Variants in XRRA1 observed in about 807,000 individuals in gnomAD.
XRRA1 encodes X-ray radiation resistance-associated protein 1.
In XRRA1, 69 loss-of-function variants were observed where a neutral mutation model predicts 80.2. That is an observed-to-expected ratio of 0.86 (90% CI 0.71 to 1.05). XRRA1 has a LOEUF of 1.05. Among genes scored for constraint, XRRA1 ranks in the 50% least tolerant of loss-of-function variants. XRRA1 has a pLI of 0.00. For synonymous variants in XRRA1, 348 were observed against 389.9 expected (o/e 0.89, Z 1.27); for missense variants, 967 against 976.4 (o/e 0.99, Z 0.13).
At chr11:74,844,980 AG>A in intron 16 of XRRA1, 92 bp downstream of exon 16, 1 of 1,331,518 alleles carries the variant, frequency 7.5e-7, no homozygotes, top group Non-Finnish European at 1.1e-6. Flanking sequence ...AGTTGGGAAA[AG>A]ACAGCTTGGT....
At chr11:74,934,033 C>T (rs762008916) in intron 4 of XRRA1, among the ~76,000 whole-genome samples, 161 bp from the exon 5 acceptor site, 61 of 152,260 alleles carry the variant, frequency 4.0e-4, no homozygotes, top group South Asian at 8.3e-4. Flanking sequence ...TCCATTCATT[C>T]GCCAAATATT....
chr11:74,860,061 C>G (rs1301247954), intron 11 of XRRA1, among the ~76,000 whole-genome samples: 1 of 152,150 alleles, frequency 6.6e-6, no homozygotes, highest in Non-Finnish European at 1.5e-5. Flanking sequence ...AACTAGATTC[C>G]ATCTTAAGCT....
intron 12 of XRRA1, among the ~76,000 whole-genome samples, chr11:74,854,782 G>A (rs2040681025): frequency 6.6e-6 from 1 of 152,100 alleles, no homozygotes; most frequent in South Asian, 2.1e-4. Context: ...CACTTTGGGA[G>A]GCCGAGGCAA....
rs536570249 is a variant in XRRA1 at position 74,851,421 on chromosome 11, G to A, written c.1265-218C>T. Among the ~76,000 whole-genome samples the A allele has an allele frequency of 3.3e-5, 5 of 152,240 alleles. No individual in the cohort carries two copies. The East Asian group carries it at 7.8e-4, about 24-fold the overall frequency. ...GAAACTGAGGCACAGAGAGGCTAAG[G>A]AATTTGTCCAAGATAATAAAGATAG... is the stretch of plus-strand genomic sequence containing the variant. On this transcript the variant is annotated intron_variant, in intron 13 of 18. Transcript: ENST00000684022.
In XRRA1 at chr11:74,898,258, T is replaced by A. The variant is rs961341903; in HGVS notation, c.1003+7981A>T. 2.6e-5 allele frequency among the ~76,000 whole-genome samples: 4 copies of A among 151,328 alleles called. No individual in the cohort carries two copies. The East Asian group carries it at 5.8e-4, about 22-fold the overall frequency. On this transcript the variant is annotated intron_variant, in intron 10 of 18. Coordinates refer to ENST00000684022, the MANE Select transcript of XRRA1 (RefSeq NM_001378157.1). ...CTTATGGCAACCTCAAATCAAAAAATATACGATGGATACACAAAAAATAAA... is the reference window on the plus strand; with the variant it reads ...CTTATGGCAACCTCAAATCAAAAAAAATACGATGGATACACAAAAAATAAA...
chr11:74,941,298 A>G (rs1485404013), intron 2 of XRRA1, among the ~76,000 whole-genome samples: 1 of 152,176 alleles, frequency 6.6e-6, no homozygotes, highest in Non-Finnish European at 1.5e-5. Context: ...TGCCTAATAC[A>G]TATTAAGTCT....
chr11:74,882,932 T>G lies in XRRA1; in HGVS notation c.1004-19911A>C, dbSNP rs546255177. ...TCTTCAAAGCTGTCAGACAGGGACA[T>G]TTAAGTCTGCAGAGGTTACTGCTGT... On this transcript the variant is annotated intron_variant, in intron 10 of 18. Transcript: ENST00000684022. Among the ~76,000 whole-genome samples, 18 of 152,356 alleles carry G rather than the reference T, an allele frequency of 1.2e-4. No homozygotes were observed. In the East Asian group the frequency reaches 3.3e-3, roughly 28 times the overall value.
chr11:74,874,555 A>G (rs1696937146), intron 10 of XRRA1, among the ~76,000 whole-genome samples: 1 of 152,216 alleles, frequency 6.6e-6, no homozygotes, highest in African/African-American at 2.4e-5. Context: ...CTGATACCAG[A>G]GGCCACCAAA....
intron 8 of XRRA1, chr11:74,918,723 C>T (rs1176973379): frequency 6.6e-6 from 1 of 152,260 alleles, no homozygotes; most frequent in African/African-American, 2.4e-5. Context: ...ACTTCCCAGA[C>T]TGCCTTTCCA....
At position 74,931,326 on chromosome 11, in the gene XRRA1, ATTTT is replaced by A. The variant is rs548989090; in HGVS notation, c.352-958_352-955del. 6.0e-4 allele frequency among the ~76,000 whole-genome samples: 84 copies of A among 140,980 alleles called. 2 individuals carry two copies. The highest frequency in any genetic ancestry group is 2.0e-3 in the African/African-American group (75 of 38,312). The allele number at this position is 140,980 out of a possible 152,430, so 92.5% of individuals were successfully genotyped here. On this transcript the variant is annotated intron_variant, in intron 5 of 18. Coordinates refer to ENST00000684022, the MANE Select transcript of XRRA1 (RefSeq NM_001378157.1). ...TGTTGACAGTTGTAGTTCTAGTTCAATTTTTTTTTTTTTTTTGAGACAAAGTCTC... is the reference window on the plus strand; with the variant it reads ...TGTTGACAGTTGTAGTTCTAGTTCAATTTTTTTTTTTTGAGACAAAGTCTC...
At chr11:74,909,721 G>C (rs2055425397) in intron 8 of XRRA1, among the ~76,000 whole-genome samples, 1 of 152,146 alleles carries the variant, frequency 6.6e-6, no homozygotes, top group Non-Finnish European at 1.5e-5. Flanking sequence ...AAGTCTGTCA[G>C]TAGTGGAGAA....
At chr11:74,858,083 A>G (rs1271375477) in intron 12 of XRRA1, among the ~76,000 whole-genome samples, 4 of 152,230 alleles carry the variant, frequency 2.6e-5, no homozygotes, top group Non-Finnish European at 5.9e-5. Context: ...CATTTTAAGT[A>G]AAAGAACAGA....
intron 10 of XRRA1, among the ~76,000 whole-genome samples, chr11:74,901,654 G>A (rs1038662676): frequency 3.9e-5 from 6 of 152,104 alleles, no homozygotes; most frequent in Non-Finnish European, 8.8e-5. Context: ...ACAGTAAACC[G>A]ATTTTCGACA....
intron 2 of XRRA1, among the ~76,000 whole-genome samples, chr11:74,942,097 TA>T (rs977827499): frequency 1.3e-3 from 194 of 147,126 alleles, no homozygotes; most frequent in African/African-American, 2.3e-3. Flanking sequence ...ACCCCATATT[TA>T]AAAAAAAAAA....
intron 10 of XRRA1, among the ~76,000 whole-genome samples, chr11:74,878,877 T>C (rs2046752653): frequency 1.3e-5 from 2 of 151,914 alleles, no homozygotes; most frequent in Non-Finnish European, 2.9e-5. Context: ...CCTTATAGTA[T>C]AGTTTGAAGT....
intron 6 of XRRA1, among the ~76,000 whole-genome samples, chr11:74,929,737 T>C (rs957744003): frequency 1.3e-5 from 2 of 152,242 alleles, no homozygotes; most frequent in East Asian, 1.9e-4. Context: ...CCTGACACTC[T>C]GGCCTGGCTT....
chr11:74,939,783 A>G (rs1945921638), intron 3 of XRRA1, among the ~76,000 whole-genome samples: 1 of 152,236 alleles, frequency 6.6e-6, no homozygotes, highest in Admixed American at 6.5e-5. Context: ...ATAGATATAT[A>G]CAACTATATT....
In XRRA1 at chr11:74,936,970, T is replaced by C; in HGVS notation, c.193A>G (p.Thr65Ala). ...QAERRESLKA[T>A]SFEFKGKKES... is the part of the protein sequence containing the mutation. ...TTCTTCCCCTTGAACTCAAAAGAAG[T>C]CGCCTTCAGGCTTTCCCGACGTTCA... Residue 65 changes from threonine (T) to alanine (A), a missense_variant, in exon 4 of 19, where the codon ACT becomes GCT. Transcript: ENST00000684022. The C allele has an allele frequency of 6.2e-7, 1 of 1,613,800 alleles. No individual in the cohort carries two copies. The highest frequency in any genetic ancestry group is 8.5e-7 in the Non-Finnish European group (1 of 1,179,864).
chr11:74,905,228 G>T (rs1450990471), intron 10 of XRRA1, among the ~76,000 whole-genome samples: 2 of 152,006 alleles, frequency 1.3e-5, no homozygotes, highest in African/African-American at 4.8e-5. Context: ...TATAGAGATA[G>T]GGTCTCGTTC....
Sources: gnomAD v4.1 joint callset for allele counts (sites outside exome capture counted in the v4.1 genomes callset) on GRCh38, gnomAD v4.1.1 for gene constraint, MANE v1.5 for transcripts, NCBI Gene and HGNC (gene_info 2026-07-23, HGNC 2026-07-21) for gene names.